Variants in DOCK9 observed in about 807,000 individuals in gnomAD.
DOCK9 encodes dedicator of cytokinesis 9.
In DOCK9, 89 loss-of-function variants were observed where a neutral mutation model predicts 263.3. The ratio of observed to expected loss-of-function variants is 0.34; its 90% CI spans 0.28 to 0.40. The LOEUF is 0.40. Ranked by LOEUF, DOCK9 falls within the 10% of genes least tolerant of loss-of-function variation. The pLI is 1.00. For synonymous variants in DOCK9, 976 were observed against 973.1 expected, an observed-to-expected ratio of 1.00 and a Z score of -0.06; for missense variants, 2,140 against 2,603.4, an observed-to-expected ratio of 0.82 and a Z score of 3.87.
intron 5 of DOCK9, among the ~76,000 whole-genome samples, chr13:98,923,067 T>G (rs567709383): frequency 6.6e-6 from 1 of 152,320 alleles, no homozygotes; most frequent in Admixed American, 6.5e-5. Context: ...TTGAAAATGA[T>G]CTCAGAACAA....
At chr13:98,798,007 G>A (rs1329234721) in intron 50 of DOCK9, among the ~76,000 whole-genome samples, 1 of 152,178 alleles carries the variant, frequency 6.6e-6, no homozygotes, top group African/African-American at 2.4e-5. Flanking sequence ...TTGCTATCCT[G>A]GGATGAAGTG....
At chr13:99,056,891 C>T (rs1486917759) in intron 1 of DOCK9, among the ~76,000 whole-genome samples, 1 of 152,176 alleles carries the variant, frequency 6.6e-6, no homozygotes, top group African/African-American at 2.4e-5. Context: ...AGCGGGGATC[C>T]GAGAAGCCAC....
chr13:98,829,510 A>G lies in DOCK9; in HGVS notation c.4762T>C (p.Ser1588Pro). The G allele has an allele frequency of 6.2e-7, 1 of 1,612,934 alleles. No individual in the cohort carries two copies. Among genetic ancestry groups the G allele is most frequent in the East Asian group, 2.2e-5 (1 of 44,862 alleles). ...SDRLIKHTSF[S>P]SDVKDLTKRI... Reference sequence around the variant, plus strand: ...TTGGTTAAGTCCTTCACATCAGAGGAGAAGCTGGTGTGCTAAAACAAGGGT... The same window carrying G: ...TTGGTTAAGTCCTTCACATCAGAGGGGAAGCTGGTGTGCTAAAACAAGGGT... Residue 1588 changes from serine to proline, a missense_variant, in exon 43 of 53, where the codon TCC (serine) becomes CCC (proline). By Grantham distance (74) the Ser-to-Pro change is moderately conservative (BLOSUM62 -1). Transcript: ENST00000682017. This position sits in a 1 kb window ranked among gnomAD's most constrained non-coding sequence, Gnocchi z 4.1.
At chr13:99,015,821 G>C in intron 1 of DOCK9, 1 of 1,253,772 alleles carries the variant, frequency 8.0e-7, no homozygotes, top group South Asian at 3.1e-5. Context: ...AAAACAGGAG[G>C]GGTGGTGCAA....
At chr13:98,952,861 T>A (rs2057604423) in intron 2 of DOCK9, among the ~76,000 whole-genome samples, 1 of 152,256 alleles carries the variant, frequency 6.6e-6, no homozygotes, top group Admixed American at 6.5e-5. Context: ...CTAAATTATT[T>A]AAGTGCAGTA....
chr13:98,965,042 C>A (rs1174491877), intron 1 of DOCK9, among the ~76,000 whole-genome samples: 1 of 152,168 alleles, frequency 6.6e-6, no homozygotes, highest in Non-Finnish European at 1.5e-5. Flanking sequence ...GAGGGGGTAC[C>A]AATGATTAGC....
Position 98,930,152 on chromosome 13 carries a change from C to T in DOCK9, c.333+16G>A. 6.3e-7 allele frequency: 1 copy of T among 1,598,390 alleles called. No homozygotes were observed. Among genetic ancestry groups the T allele is most frequent in the Admixed American group, 1.7e-5 (1 of 57,998 alleles). ...AATGACTTCAAAATGTAAATTAATGCAGGAAAGAGCCTTACCTCTGTAACA... is the reference window on the plus strand; with the variant it reads ...AATGACTTCAAAATGTAAATTAATGTAGGAAAGAGCCTTACCTCTGTAACA... On this transcript the variant is annotated intron_variant, in intron 3 of 52. Coordinates refer to ENST00000682017, the MANE Select transcript of DOCK9 (RefSeq NM_001366683.2).
chr13:98,867,957 T>G lies in DOCK9; in HGVS notation c.3145A>C (p.Ile1049Leu), dbSNP rs77363135. ...GGGTCTCCAGGAGCAAAACAGCTAA[T>G]GTAGTTGTTGATCTGCTTGAAGACA... Reference protein sequence around the residue: ...GFVFKQINNYISCFAPGDPKT... With the variant: ...GFVFKQINNYLSCFAPGDPKT... Residue 1049 changes from isoleucine (I) to leucine (L), a missense_variant, in exon 29 of 53, where the codon ATT becomes CTT. Physicochemically the swap from Ile to Leu is conservative, Grantham distance 5. Transcript: ENST00000682017. 4 of 1,613,636 alleles carry G rather than the reference T, an allele frequency of 2.5e-6. No homozygotes were observed. The highest frequency in any genetic ancestry group is 3.4e-6 in the Non-Finnish European group (4 of 1,179,808).
intron 1 of DOCK9, among the ~76,000 whole-genome samples, chr13:99,045,699 G>T (rs1888914521): frequency 1.3e-5 from 2 of 152,070 alleles, no homozygotes; most frequent in South Asian, 4.2e-4. Flanking sequence ...ACATCATGTT[G>T]TATACCCTAA....
intron 35 of DOCK9, among the ~76,000 whole-genome samples, chr13:98,852,571 G>T (rs1008560794): frequency 7.2e-5 from 11 of 152,170 alleles, no homozygotes; most frequent in Admixed American, 5.2e-4. Flanking sequence ...AGCAGCACAA[G>T]AGGCCTTCAG....
intron 1 of DOCK9, among the ~76,000 whole-genome samples, chr13:99,040,779 G>GACCA (rs1245224597): frequency 6.6e-6 from 1 of 152,168 alleles, no homozygotes; most frequent in African/African-American, 2.4e-5. Flanking sequence ...GGATGTATTT[G>GACCA]ACCAACCCCT....
chr13:98,946,275 C>A (rs1239688804), intron 2 of DOCK9, among the ~76,000 whole-genome samples: 3 of 152,088 alleles, frequency 2.0e-5, no homozygotes, highest in African/African-American at 7.2e-5. Context: ...AGGAGAGAAC[C>A]CAGAAGACTT....
rs1212466574 is a variant in DOCK9 at position 98,889,117 on chromosome 13, T to C, written c.1710-406A>G. Among the ~76,000 whole-genome samples the C allele has an allele frequency of 2.0e-5, 3 of 152,202 alleles. No individual in the cohort carries two copies. In the East Asian group the frequency reaches 5.8e-4, roughly 29 times the overall value. On this transcript the variant is annotated intron_variant, in intron 15 of 52. Transcript: ENST00000682017. Reference sequence around the variant, plus strand: ...CAGCAAAACAGTTACAGCTCAAGTGTTCCTGAATCACTCCAGCCTCACCAT... The same window carrying C: ...CAGCAAAACAGTTACAGCTCAAGTGCTCCTGAATCACTCCAGCCTCACCAT...
intron 27 of DOCK9, among the ~76,000 whole-genome samples, chr13:98,877,166 AAG>A (rs1004848808): frequency 6.6e-5 from 10 of 152,182 alleles, no homozygotes; most frequent in African/African-American, 2.4e-4. Flanking sequence ...ACTCTGCCAC[AAG>A]TTCTTGGCTC....
chr13:99,080,601 G>A (rs928112886), intron 1 of DOCK9, among the ~76,000 whole-genome samples: 1 of 152,104 alleles, frequency 6.6e-6, no homozygotes, highest in Non-Finnish European at 1.5e-5. Flanking sequence ...TCCTACCTGA[G>A]CATACTAAGC....
At chr13:98,831,842 C>T in intron 39 of DOCK9, 56 bp from the exon 40 acceptor site, 1 of 1,571,438 alleles carries the variant, frequency 6.4e-7, no homozygotes, top group South Asian at 1.2e-5. Flanking sequence ...TAGTAGGTTT[C>T]ACACAATTTC....
chr13:98,886,411 T>A, intron 19 of DOCK9, 121 bp downstream of exon 19: 1 of 665,062 alleles, frequency 1.5e-6, no homozygotes, highest in Non-Finnish European at 2.6e-6. Context: ...AACATGCAGT[T>A]CTAGCTCTGT....
At chr13:98,957,559 GAAA>G (rs58199053) in intron 1 of DOCK9, among the ~76,000 whole-genome samples, 11 of 145,670 alleles carry the variant, frequency 7.6e-5, no homozygotes, top group African/African-American at 2.3e-4. Context: ...TTCAAAAAAG[GAAA>G]AAAAAAAAAC....
chr13:98,809,050 G>T, intron 47 of DOCK9: 3 of 1,507,770 alleles, frequency 2.0e-6, no homozygotes, highest in South Asian at 2.7e-5. Context: ...ATACAGACTT[G>T]AAAAGCAAAC....
Sources: allele counts gnomAD v4.1 joint callset (sites outside exome capture counted in the v4.1 genomes callset), GRCh38; gene constraint gnomAD v4.1.1; non-coding constraint Gnocchi (gnomAD v3.1); transcripts MANE v1.5; gene names NCBI Gene and HGNC (gene_info 2026-07-23, HGNC 2026-07-21).